Variants in PPFIA3 observed in about 807,000 individuals in gnomAD.
The protein encoded by PPFIA3 is PPFI scaffold protein A3, also known as liprin-alpha-3.
Under a neutral mutation model 145.8 loss-of-function variants are expected in PPFIA3, and 26 were observed. That is an observed-to-expected ratio of 0.18 (90% CI 0.13 to 0.25). The LOEUF is 0.25. Among genes scored for constraint, PPFIA3 ranks in the 10% least tolerant of loss-of-function variants. The pLI is 1.00. For synonymous variants in PPFIA3, 645 were observed against 661.4 expected (o/e 0.98, Z 0.38); for missense variants, 1,008 against 1,587.8 (o/e 0.63, Z 6.21).
At position 49,133,407 on chromosome 19, in the gene PPFIA3, G is replaced by A. The variant is rs1238672016; in HGVS notation, c.1161+36G>A. The A allele has an allele frequency of 1.3e-6, 2 of 1,553,626 alleles. No individual in the cohort carries two copies. The highest frequency in any genetic ancestry group is 1.7e-6 in the Non-Finnish European group (2 of 1,151,446). On this transcript the variant is annotated intron_variant, in intron 9 of 29. Transcript: ENST00000334186. The surrounding 1 kb of genome is among the most constrained non-coding windows in gnomAD (Gnocchi z 7.2). ...GACTCGGGTCGGGGCCTTGCGTGGG[G>A]AAGGGGTGGGGCCTAGAGGAGGCGG... is the stretch of plus-strand genomic sequence containing the variant.
In PPFIA3 at chr19:49,139,753, C is replaced by G; in HGVS notation, c.2162C>G (p.Ser721Cys). The change falls in exon 17 of 30, where the codon TCT becomes TGT. Residue 721 changes from serine to cysteine, a missense_variant. This residue lies in a region of PPFIA3 where 202 missense variants were observed against 241.8 expected (regional missense o/e 0.84). Coordinates refer to ENST00000334186, the MANE Select transcript of PPFIA3 (RefSeq NM_003660.4). ...PGDTPPPTPR[S>C]ARLERMTQAL... ...GACACCCCACCACCCACTCCCCGCT[C>G]TGCCCGTCTTGAGAGAATGACCCAG... 6.2e-7 allele frequency: 1 copy of G among 1,614,078 alleles called. No homozygotes were observed. Among genetic ancestry groups the G allele is most frequent in the Non-Finnish European group, 8.5e-7 (1 of 1,179,960 alleles).
chr19:49,124,772 A>G (rs1343375120), intron 1 of PPFIA3, among the ~76,000 whole-genome samples: 1 of 151,992 alleles, frequency 6.6e-6, no homozygotes, highest in Admixed American at 6.6e-5. Context: ...CTGGTTTTAG[A>G]TATCATGTTG....
intron 1 of PPFIA3, among the ~76,000 whole-genome samples, chr19:49,124,837 G>T (rs2040977533): frequency 6.6e-6 from 1 of 152,046 alleles, no homozygotes; most frequent in Non-Finnish European, 1.5e-5. Context: ...AGGCCGAGGC[G>T]GGTGGATCAC....
chr19:49,149,802 G>A lies in PPFIA3; in HGVS notation c.3526+84G>A, dbSNP rs1224811939. 2 of 1,480,280 alleles carry A rather than the reference G, an allele frequency of 1.4e-6. No homozygotes were observed. The highest frequency in any genetic ancestry group is 1.4e-5 in the African/African-American group (1 of 71,516). The allele number at this position is 1,480,280 out of a possible 1,614,324, so 91.7% of individuals were successfully genotyped here. ...ACCTCAGTAGTCCGGGTTCTGGAAT[G>A]GCCTAGTCCTTTCTCGCCCACCCCT... On this transcript the variant is annotated intron_variant, in intron 28 of 29. Transcript: ENST00000334186. The surrounding 1 kb of genome is among the most constrained non-coding windows in gnomAD (Gnocchi z 5.7).
At chr19:49,138,558 G>A (rs1354980039) in intron 16 of PPFIA3, 131 bp downstream of exon 16, 26 of 728,728 alleles carry the variant, frequency 3.6e-5, no homozygotes, top group Non-Finnish European at 5.1e-5. Flanking sequence ...TTCCCTAAAG[G>A]TTCAAACTCA....
In PPFIA3 at chr19:49,133,143, G is replaced by A. The variant is rs1350988645; in HGVS notation, c.1022G>A (p.Arg341Gln). 6.3e-7 allele frequency: 1 copy of A among 1,596,782 alleles called. No homozygotes were observed. Among genetic ancestry groups the A allele is most frequent in the Non-Finnish European group, 8.5e-7 (1 of 1,170,082 alleles). ...NELASKESLYRQSEEKSRQLA... is the reference protein window; with the variant it reads ...NELASKESLYQQSEEKSRQLA... ...TTAGCTAGCAAGGAGTCGTTGTATC[G>A]GCAGGTGGGGGCGCGGCCGGGAGGG... Residue 341 changes from arginine to glutamine, a missense_variant, in exon 8 of 30, where the codon CGG (arginine) becomes CAG (glutamine). Transcript: ENST00000334186. This position sits in a 1 kb window ranked among gnomAD's most constrained non-coding sequence, Gnocchi z 7.2.
chr19:49,147,686 A>AAGAC (rs1555745404), intron 23 of PPFIA3, among the ~76,000 whole-genome samples: 1 of 145,710 alleles, frequency 6.9e-6, no homozygotes, highest in Non-Finnish European at 1.5e-5. Context: ...CTCTTTCAGA[A>AAGAC]AGAGAGAGAG....
rs2041025096 is a variant in PPFIA3 at position 49,128,099 on chromosome 19, A to T, written c.226A>T (p.Ile76Phe). The change falls in exon 2 of 30, where the codon ATC becomes TTC. Residue 76 changes from isoleucine (I) to phenylalanine (F), a missense_variant. This residue lies in a region of PPFIA3 where 108 missense variants were observed against 144.3 expected (regional missense o/e 0.75). Transcript: ENST00000334186. The surrounding 1 kb of genome is among the most constrained non-coding windows in gnomAD (Gnocchi z 4.1). The stretch of plus-strand genomic sequence containing the variant: ...GGACTCGCTGCAGCGCCAGCTCAGC[A>T]TCGCGCTGCCCCAGGTCTGGGCGGG... ...EKDSLQRQLS[I>F]ALPQEFAALT... is the part of the protein sequence containing the mutation. 5 of 1,565,506 alleles carry T rather than the reference A, an allele frequency of 3.2e-6. No homozygotes were observed. The highest frequency in any genetic ancestry group is 4.3e-6 in the Non-Finnish European group (5 of 1,164,228).
chr19:49,134,776 G>T (rs2041117195), intron 12 of PPFIA3, 60 bp from the exon 13 acceptor site: 1 of 1,611,244 alleles, frequency 6.2e-7, no homozygotes. Context: ...AAGTCTGGCA[G>T]GGGCTGTTCC....
intron 23 of PPFIA3, among the ~76,000 whole-genome samples, chr19:49,147,263 A>G (rs922025040): frequency 2.0e-5 from 3 of 152,092 alleles, no homozygotes; most frequent in African/African-American, 7.2e-5. Flanking sequence ...TGCTTCCCCA[A>G]ATTTAATGTG....
Position 49,138,281 on chromosome 19 carries a change from G to T in PPFIA3, c.1930G>T (p.Asp644Tyr), listed in dbSNP as rs2041165936. ...LESRVSSSGL[D>Y]SLGRYRSSCS... ...GAGTCGGGTGTCCAGCTCTGGCTTG[G>T]ACTCGTTGGGCCGCTACCGCAGCAG... The change falls in exon 16 of 30, where the codon GAC (aspartate) becomes TAC (tyrosine). Residue 644 changes from aspartate to tyrosine, a missense_variant. Around this residue, in one of 11 missense-constraint regions of PPFIA3, gnomAD observed 202 missense variants for 241.8 expected, o/e 0.84. Transcript: ENST00000334186. 1 of 1,613,588 alleles carries T rather than the reference G, an allele frequency of 6.2e-7. No individual in the cohort carries two copies. Among genetic ancestry groups the T allele is most frequent in the Non-Finnish European group, 8.5e-7 (1 of 1,179,764 alleles).
chr19:49,146,200 G>A lies in PPFIA3; in HGVS notation c.2835+8G>A, dbSNP rs765154049. The A allele has an allele frequency of 2.5e-6, 4 of 1,613,642 alleles. No individual in the cohort carries two copies. The highest frequency in any genetic ancestry group is 3.4e-6 in the Non-Finnish European group (4 of 1,179,902). On this transcript the variant is annotated splice_region_variant and intron_variant, in intron 23 of 29. Transcript: ENST00000334186. Reference sequence around the variant, plus strand: ...GAGATCAGCTGGGAGCAGGTAGGGGGCGCGGGGCGGGGCGTGAGCGCATGA... The same window carrying A: ...GAGATCAGCTGGGAGCAGGTAGGGGACGCGGGGCGGGGCGTGAGCGCATGA...
At position 49,130,198 on chromosome 19, in the gene PPFIA3, A is replaced by G; in HGVS notation, c.657+131A>G. 1 of 1,188,592 alleles carries G rather than the reference A, an allele frequency of 8.4e-7. No individual in the cohort carries two copies. The highest frequency in any genetic ancestry group is 1.2e-6 in the Non-Finnish European group (1 of 856,590). 73.6% of individuals were successfully genotyped at this position (1,188,592 alleles called of 1,614,324 possible). A position where few individuals can be genotyped will look rare whatever the true frequency, so the allele number is the denominator to read the frequency against. ...CCTGTAAGAGTGTCACAGAGCTTGGACCTCTGATTCAGGTCACCTAGCGAA... is the reference window on the plus strand; with the variant it reads ...CCTGTAAGAGTGTCACAGAGCTTGGGCCTCTGATTCAGGTCACCTAGCGAA... On this transcript the variant is annotated intron_variant, in intron 6 of 29. Transcript: ENST00000334186. This position sits in a 1 kb window ranked among gnomAD's most constrained non-coding sequence, Gnocchi z 4.5.
chr19:49,121,103 C>A (rs1008691190), intron 1 of PPFIA3, among the ~76,000 whole-genome samples: 13 of 152,272 alleles, frequency 8.5e-5, no homozygotes, highest in African/African-American at 2.6e-4. Context: ...GGCTTCAGGA[C>A]TCTCTACTCT....
At chr19:49,147,904 T>C (rs2041299476) in intron 23 of PPFIA3, among the ~76,000 whole-genome samples, 179 bp from the exon 24 acceptor site, 3 of 152,202 alleles carry the variant, frequency 2.0e-5, no homozygotes, top group Non-Finnish European at 1.5e-5. Flanking sequence ...GAGTATATGC[T>C]GTCATGAAGG....
chr19:49,137,921 A>C (rs1255302873), intron 15 of PPFIA3, among the ~76,000 whole-genome samples: 2 of 152,018 alleles, frequency 1.3e-5, no homozygotes, highest in Non-Finnish European at 2.9e-5. Flanking sequence ...TAATCCCTTC[A>C]TGATTTTCCA....
Position 49,141,585 on chromosome 19 carries a change from TGTATGTGTGTGTATGA to T in PPFIA3, c.2462+75_2462+90del, listed in dbSNP as rs2041223274. On this transcript the variant is annotated intron_variant, in intron 19 of 29. Coordinates refer to ENST00000334186, the MANE Select transcript of PPFIA3 (RefSeq NM_003660.4). ...GAGTGTGTGAGGGTGTGTGTGTGCGTGTATGTGTGTGTATGAGTGTGTGTGTGTGTGAGAGGGTGTG... is the reference window on the plus strand; with the variant it reads ...GAGTGTGTGAGGGTGTGTGTGTGCGTGTGTGTGTGTGTGTGAGAGGGTGTG... 3.5e-6 allele frequency: 4 copies of T among 1,150,226 alleles called. No individual in the cohort carries two copies. In the South Asian group the frequency reaches 4.1e-5, roughly 12 times the overall value. The allele number at this position is 1,150,226 out of a possible 1,614,324, so 71.3% of individuals were successfully genotyped here.
At chr19:49,142,002 C>T (rs751324315) in intron 19 of PPFIA3, 32 bp from the exon 20 acceptor site, 2 of 1,536,588 alleles carry the variant, frequency 1.3e-6, no homozygotes, top group South Asian at 1.2e-5. Context: ...CCATCCCTGA[C>T]AGCTTCTATC....
chr19:49,127,246 G>T (rs1000394593), intron 1 of PPFIA3, among the ~76,000 whole-genome samples: 8 of 151,814 alleles, frequency 5.3e-5, no homozygotes, highest in African/African-American at 1.9e-4. Context: ...GCTGGGCATG[G>T]TGGCGGGTTC....
Sources: gnomAD v4.1 joint callset for allele counts (sites outside exome capture counted in the v4.1 genomes callset) on GRCh38, gnomAD v4.1.1 for gene constraint, gnomAD v4.1.1 regional missense constraint, Gnocchi (gnomAD v3.1) non-coding constraint, MANE v1.5 for transcripts, NCBI Gene and HGNC (gene_info 2026-07-23, HGNC 2026-07-21) for gene names.